The following WNT9B variants were observed in gnomAD, a reference collection of about 807,000 sequenced individuals.
The protein encoded by WNT9B is protein Wnt-9b.
WNT9B carries 12 observed loss-of-function variants against 30.2 expected under a neutral mutation model. The ratio of observed to expected loss-of-function variants is 0.40; its 90% CI spans 0.26 to 0.64. The LOEUF (loss-of-function observed/expected upper bound fraction) is 0.64. Ranked by LOEUF, WNT9B falls within the 30% of genes least tolerant of loss-of-function variation. WNT9B has a pLI of 0.42. For missense variants in WNT9B, 442 were observed against 485.2 expected (o/e 0.91, Z 0.84); for synonymous variants, 218 against 216.9 (o/e 1.01, Z -0.05).
chr17:46,881,078 C>T (rs890347602), downstream of WNT9B, among the ~76,000 whole-genome samples: 2 of 152,204 alleles, frequency 1.3e-5, no homozygotes, highest in Non-Finnish European at 2.9e-5. Context: ...TGGGAGGCCT[C>T]GCCCACCAGG....
At chr17:46,866,684 G>C (rs2085144592) in intron 1 of WNT9B, among the ~76,000 whole-genome samples, 1 of 152,078 alleles carries the variant, frequency 6.6e-6, no homozygotes. Context: ...GCCTGTAGTT[G>C]GCATGGCCCT....
chr17:46,856,833 C>T (rs1201499118), intron 1 of WNT9B, among the ~76,000 whole-genome samples: 1 of 152,170 alleles, frequency 6.6e-6, no homozygotes, highest in African/African-American at 2.4e-5. Context: ...AATTATACAC[C>T]TGTGTAACAC....
At chr17:46,846,478 C>G (rs1037808941) in intron 1 of WNT9B, among the ~76,000 whole-genome samples, 1 of 152,208 alleles carries the variant, frequency 6.6e-6, no homozygotes, top group Non-Finnish European at 1.5e-5. Context: ...AACTCAAGGA[C>G]AGTGTATATC....
At position 46,876,554 on chromosome 17, in the gene WNT9B, G is replaced by T; in HGVS notation, c.910G>T (p.Val304Leu). ...GTACTCACCTGGCACAGCAGGTAGGGTGTGCTCCCGGGAGGCCAGCTGCAG... is the reference window on the plus strand; with the variant it reads ...GTACTCACCTGGCACAGCAGGTAGGTTGTGCTCCCGGGAGGCCAGCTGCAG... Reference protein sequence around the residue: ...SKYSPGTAGRVCSREASCSSL... With the variant: ...SKYSPGTAGRLCSREASCSSL... Residue 304 changes from valine (V) to leucine (L), a missense_variant, in exon 4 of 4, where the codon GTG becomes TTG. Val to Leu is a conservative substitution (Grantham distance 32). Transcript: ENST00000290015. 6.2e-7 allele frequency: 1 copy of T among 1,613,644 alleles called. No individual in the cohort carries two copies. Among genetic ancestry groups the T allele is most frequent in the Non-Finnish European group, 8.5e-7 (1 of 1,180,022 alleles).
chr17:46,834,978 T>TCTTCTC (rs372720652), intron 1 of WNT9B, among the ~76,000 whole-genome samples: 14 of 151,866 alleles, frequency 9.2e-5, no homozygotes, highest in African/African-American at 1.5e-4. Context: ...TCTCTCTTCT[T>TCTTCTC]CTTCTCCTTC....
rs114352372 is a variant in WNT9B at position 46,877,588 on chromosome 17, C to T, written c.*870C>T. ...CTGCTGGCCAAAGGAATCTTCACTCCCAGCGCAGAGGAGGAGGGCAACAGC... is the reference window on the plus strand; with the variant it reads ...CTGCTGGCCAAAGGAATCTTCACTCTCAGCGCAGAGGAGGAGGGCAACAGC... On this transcript the variant is annotated 3_prime_UTR_variant, in exon 4 of 4. Transcript: ENST00000290015. Among the ~76,000 whole-genome samples, 181 of 152,242 alleles carry T rather than the reference C, an allele frequency of 1.2e-3. No individual in the cohort carries two copies. The highest frequency in any genetic ancestry group is 4.2e-3 in the African/African-American group (173 of 41,546).
chr17:46,836,032 G>T (rs771989075), intron 1 of WNT9B, among the ~76,000 whole-genome samples: 9 of 151,810 alleles, frequency 5.9e-5, no homozygotes, highest in Non-Finnish European at 1.0e-4. Context: ...GGCCTGCGAG[G>T]ATGGTCAGGG....
rs538234827 is a variant in WNT9B at position 46,870,335 on chromosome 17, A to G, written c.78-2182A>G. ...AAGCCAGTCAAGGCGTGGCCTCCTC[A>G]GCTGGAGTTGACATCCAGTTCTTCT... On this transcript the variant is annotated intron_variant, in intron 1 of 3. Coordinates refer to ENST00000290015, the MANE Select transcript of WNT9B (RefSeq NM_003396.3). 5.9e-5 allele frequency among the ~76,000 whole-genome samples: 9 copies of G among 152,334 alleles called. No individual in the cohort carries two copies. The South Asian group carries it at 1.7e-3, about 28-fold the overall frequency.
At position 46,879,328 on chromosome 17, in the gene WNT9B, G is replaced by A. The variant is rs2085392681; in HGVS notation, c.*2610G>A. Among the ~76,000 whole-genome samples, 2 of 152,256 alleles carry A rather than the reference G, an allele frequency of 1.3e-5. No homozygotes were observed. The highest frequency in any genetic ancestry group is 1.3e-4 in the Admixed American group (2 of 15,300). On this transcript the variant is annotated 3_prime_UTR_variant, in exon 4 of 4. Transcript: ENST00000290015. ...ATTCCATGACTGGGTCTGTCTCGGA[G>A]CTGGTAAGCACATGTCCGCTCTGTG...
downstream of WNT9B, among the ~76,000 whole-genome samples, chr17:46,884,435 A>G (rs2146628987): frequency 6.6e-6 from 1 of 152,242 alleles, no homozygotes; most frequent in South Asian, 2.1e-4. Context: ...GGCACACAGG[A>G]GATCCTCAAG....
intron 1 of WNT9B, among the ~76,000 whole-genome samples, chr17:46,841,899 G>C (rs563741400): frequency 7.0e-4 from 107 of 152,188 alleles, no homozygotes; most frequent in African/African-American, 2.4e-3. Flanking sequence ...TGCGGTGTGT[G>C]GGGGGGTCTC....
In WNT9B at chr17:46,876,238, C is replaced by T. The variant is rs753953674; in HGVS notation, c.601-7C>T. The T allele has an allele frequency of 1.1e-5, 18 of 1,597,670 alleles. No homozygotes were observed. Among genetic ancestry groups the T allele is most frequent in the South Asian group, 2.3e-5 (2 of 88,236 alleles). ...CTGACCACGCCTCTGTTCTGCCTCC[C>T]CCACAGGCTGTGAAGAGTGGCCTCA... On this transcript the variant is annotated splice_region_variant and splice_polypyrimidine_tract_variant and intron_variant, in intron 3 of 3. Coordinates refer to ENST00000290015, the MANE Select transcript of WNT9B (RefSeq NM_003396.3).
At chr17:46,842,440 T>C (rs113185804) in intron 1 of WNT9B, among the ~76,000 whole-genome samples, 3 of 152,322 alleles carry the variant, frequency 2.0e-5, no homozygotes, top group African/African-American at 7.2e-5. Flanking sequence ...AGTGGCGCGA[T>C]CACGGCTCAC....
chr17:46,864,122 G>A (rs532586327), intron 1 of WNT9B, among the ~76,000 whole-genome samples: 23 of 152,354 alleles, frequency 1.5e-4, no homozygotes, highest in Admixed American at 7.2e-4. Context: ...CTGCCTGTGC[G>A]TGGGAAGAGG....
rs567898069 is a variant in WNT9B, at chr17:46,879,714, C to G, written c.*2996C>G. Among the ~76,000 whole-genome samples, 1 of 152,348 alleles carries G rather than the reference C, an allele frequency of 6.6e-6. No homozygotes were observed. Among genetic ancestry groups the G allele is most frequent in the South Asian group, 2.1e-4 (1 of 4,830 alleles). ...CCATAGACCAGGCACTACGGGCTGA[C>G]CTGCTCTGAGCCCAGGAGCCCCAAA... is the stretch of plus-strand genomic sequence containing the variant. On this transcript the variant is annotated 3_prime_UTR_variant, in exon 4 of 4. Coordinates refer to ENST00000290015, the MANE Select transcript of WNT9B (RefSeq NM_003396.3).
At chr17:46,841,862 C>T (rs1204691741) in intron 1 of WNT9B, among the ~76,000 whole-genome samples, 1 of 152,266 alleles carries the variant, frequency 6.6e-6, no homozygotes, top group Non-Finnish European at 1.5e-5. Flanking sequence ...GGTAGGCCGA[C>T]CCCGCAGGGC....
In WNT9B at chr17:46,876,867, A is replaced by T. The variant is rs551426872; in HGVS notation, c.*149A>T. On this transcript the variant is annotated 3_prime_UTR_variant, in exon 4 of 4. Transcript: ENST00000290015. ...GCACACGAGTGTGCCACTCACCACC[A>T]TTCCTTGGCCAGCCTTTTGCCTCCC... 1.3e-4 allele frequency: 185 copies of T among 1,398,918 alleles called. No homozygotes were observed. The highest frequency in any genetic ancestry group is 1.6e-4 in the Non-Finnish European group (177 of 1,072,784). 86.7% of individuals were successfully genotyped at this position (1,398,918 alleles called of 1,614,324 possible). A position where few individuals can be genotyped will look rare whatever the true frequency, so the allele number is the denominator to read the frequency against.
chr17:46,875,706 CTGGAAGCCCAACA>C (rs1027570978), intron 3 of WNT9B, among the ~76,000 whole-genome samples: 4 of 152,272 alleles, frequency 2.6e-5, no homozygotes, highest in Admixed American at 6.5e-5. Flanking sequence ...CCTGGAGGTC[CTGGAAGCCCAACA>C]TTGTTTGAAA....
intron 1 of WNT9B, among the ~76,000 whole-genome samples, chr17:46,872,220 G>A (rs73316350): frequency 0.032 from 4,924 of 152,292 alleles, 297 homozygotes; most frequent in African/African-American, 0.11. Flanking sequence ...CTGGGAAAGC[G>A]TATTTTTAAT....
Sources: gnomAD v4.1 joint callset for allele counts (sites outside exome capture counted in the v4.1 genomes callset) on GRCh38, gnomAD v4.1.1 for gene constraint, MANE v1.5 for transcripts, NCBI Gene and HGNC (gene_info 2026-07-23, HGNC 2026-07-21) for gene names.